The following PMM2 variants were observed in gnomAD, a reference collection of about 807,000 sequenced individuals.
PMM2 encodes the protein mannose-6-phosphate isomerase.
PMM2 carries 35 observed loss-of-function variants against 33.2 expected under a neutral mutation model. The ratio of observed to expected loss-of-function variants is 1.06; its 90% CI spans 0.81 to 1.40. The LOEUF is 1.40. Ranked by LOEUF, PMM2 falls within the 40% of genes most tolerant of loss-of-function variation. The pLI is 0.00. For missense variants in PMM2, 386 were observed against 306.0 expected (o/e 1.26, Z -1.95); for synonymous variants, 153 against 114.7 (o/e 1.33, Z -2.13).
intron 7 of PMM2, among the ~76,000 whole-genome samples, chr16:8,835,290 T>A (rs144750319): frequency 6.6e-6 from 1 of 151,472 alleles, no homozygotes; most frequent in Non-Finnish European, 1.5e-5. Flanking sequence ...TCAGACACGA[T>A]CAACAGGGAG....
At chr16:8,844,030 C>G (rs967793473) in intron 7 of PMM2, among the ~76,000 whole-genome samples, 13 of 152,128 alleles carry the variant, frequency 8.5e-5, no homozygotes, top group Admixed American at 6.5e-5. Flanking sequence ...AAAAGAATGC[C>G]TGGACATCAG....
intron 7 of PMM2, among the ~76,000 whole-genome samples, chr16:8,817,225 A>AT (rs1736607271): frequency 6.6e-6 from 1 of 152,266 alleles, no homozygotes; most frequent in African/African-American, 2.4e-5. Context: ...TGACAGTTAC[A>AT]TATGGTTTTA....
intron 7 of PMM2, among the ~76,000 whole-genome samples, chr16:8,844,936 C>G (rs933691167): frequency 2.0e-5 from 3 of 152,144 alleles, no homozygotes; most frequent in Admixed American, 6.5e-5. Context: ...GACCTGAGGT[C>G]GTAGGTGGAT....
At chr16:8,847,140 A>G (rs950052291) in intron 7 of PMM2, among the ~76,000 whole-genome samples, 2 of 152,270 alleles carry the variant, frequency 1.3e-5, no homozygotes, top group East Asian at 3.9e-4. Context: ...CTGGGATTAC[A>G]GGCATGAGCC....
chr16:8,801,541 C>T (rs1301060069), intron 1 of PMM2, among the ~76,000 whole-genome samples: 2 of 152,090 alleles, frequency 1.3e-5, no homozygotes, highest in African/African-American at 2.4e-5. Flanking sequence ...TGTGCTGGCA[C>T]ATAACTATGG....
At chr16:8,845,796 T>C (rs1232035509) in intron 7 of PMM2, among the ~76,000 whole-genome samples, 2 of 30,988 alleles carry the variant, frequency 6.5e-5, no homozygotes, top group Non-Finnish European at 1.6e-4. Context: ...GAAAGAAATC[T>C]TTTTTTTTTT....
intron 2 of PMM2, chr16:8,802,429 A>T: frequency 2.6e-6 from 1 of 382,960 alleles, no homozygotes; most frequent in Non-Finnish European, 5.1e-6. Context: ...AACCTTGCTA[A>T]TGTAGCATTC....
chr16:8,820,523 T>C (rs1270380355), intron 7 of PMM2, among the ~76,000 whole-genome samples: 13 of 152,148 alleles, frequency 8.5e-5, no homozygotes, highest in Non-Finnish European at 1.5e-4. Flanking sequence ...CTGGCTAATT[T>C]TTGTATTTTT....
At chr16:8,804,038 T>G (rs146395303) in intron 2 of PMM2, among the ~76,000 whole-genome samples, 10 of 43,288 alleles carry the variant, frequency 2.3e-4, no homozygotes, top group Admixed American at 3.7e-4. Context: ...TTTGTTTTTT[T>G]TTTTTTTTTT....
intron 7 of PMM2, among the ~76,000 whole-genome samples, chr16:8,826,903 G>A (rs974657297): frequency 3.3e-5 from 5 of 151,834 alleles, no homozygotes; most frequent in Admixed American, 1.3e-4. Context: ...TGAATAATCA[G>A]TCGTTCTATT....
In PMM2 at chr16:8,806,435, C is replaced by G. The variant is rs1201205932; in HGVS notation, c.347+28C>G. The G allele has an allele frequency of 2.2e-6, 3 of 1,369,828 alleles. No individual in the cohort carries two copies. The African/African-American group carries it at 4.3e-5, about 20-fold the overall frequency. 84.9% of individuals were successfully genotyped at this position (1,369,828 alleles called of 1,614,324 possible). On this transcript the variant is annotated intron_variant, in intron 4 of 7. Coordinates refer to ENST00000268261, the MANE Select transcript of PMM2 (RefSeq NM_000303.3). Reference sequence around the variant, plus strand: ...GGGTTTGCTTTTAACAAAGAGGCGTCACAGGAACATAGCGTAGTGTCACAT... The same window carrying G: ...GGGTTTGCTTTTAACAAAGAGGCGTGACAGGAACATAGCGTAGTGTCACAT...
chr16:8,813,682 A>T (rs1220583734), intron 7 of PMM2, among the ~76,000 whole-genome samples: 1 of 152,062 alleles, frequency 6.6e-6, no homozygotes, highest in East Asian at 1.9e-4. Context: ...AACTGAGAGC[A>T]GAGCCCAGTG....
In PMM2 at chr16:8,824,072, T is replaced by C. The variant is rs537444675; in HGVS notation, c.639+10966T>C. On this transcript the variant is annotated intron_variant, in intron 7 of 7. Transcript: ENST00000268261. ...AAATAGTTTCCAAATTCTGGAGAAATCAGAGAGAAGGCAATATGCTCTAAA... is the reference window on the plus strand; with the variant it reads ...AAATAGTTTCCAAATTCTGGAGAAACCAGAGAGAAGGCAATATGCTCTAAA... Among the ~76,000 whole-genome samples, 8 of 152,316 alleles carry C rather than the reference T, an allele frequency of 5.3e-5. No homozygotes were observed. The South Asian group carries it at 1.7e-3, about 32-fold the overall frequency.
At chr16:8,820,351 C>T (rs7186036) in intron 7 of PMM2, among the ~76,000 whole-genome samples, 6,212 of 132,870 alleles carry the variant, frequency 0.047, 210 homozygotes, top group Middle Eastern at 0.13. Flanking sequence ...CACAGTTCTT[C>T]TTTTTTTTTT....
chr16:8,846,656 C>T (rs552927056), intron 7 of PMM2, among the ~76,000 whole-genome samples: 18 of 152,216 alleles, frequency 1.2e-4, no homozygotes, highest in Admixed American at 1.2e-3. Flanking sequence ...GCCTCGGTTT[C>T]GTCATCTTAC....
chr16:8,800,809 G>A (rs1273592), intron 1 of PMM2, among the ~76,000 whole-genome samples: 12 of 152,084 alleles, frequency 7.9e-5, no homozygotes, highest in Non-Finnish European at 1.2e-4. Context: ...TCAGCCTCCC[G>A]AGTAGCTGGG....
chr16:8,816,964 A>G (rs1312667674), intron 7 of PMM2, among the ~76,000 whole-genome samples: 7 of 152,146 alleles, frequency 4.6e-5, no homozygotes, highest in Non-Finnish European at 1.5e-5. Flanking sequence ...AATAAAATAA[A>G]ATAAAGACAG....
intron 7 of PMM2, among the ~76,000 whole-genome samples, chr16:8,845,543 C>G (rs1462638610): frequency 2.6e-5 from 4 of 151,844 alleles, no homozygotes; most frequent in Non-Finnish European, 5.9e-5. Context: ...GTGTTTGGCT[C>G]TTTTGAGGCA....
At chr16:8,845,310 G>A (rs1038880826) in intron 7 of PMM2, among the ~76,000 whole-genome samples, 5 of 152,082 alleles carry the variant, frequency 3.3e-5, no homozygotes, top group African/African-American at 1.2e-4. Flanking sequence ...AGTTCGGGTG[G>A]GGCAGAAACA....
Sources: allele counts gnomAD v4.1 joint callset (sites outside exome capture counted in the v4.1 genomes callset), GRCh38; gene constraint gnomAD v4.1.1; transcripts MANE v1.5; gene names NCBI Gene and HGNC (gene_info 2026-07-23, HGNC 2026-07-21).